Variants in SV2C observed in about 807,000 individuals in gnomAD.
The protein encoded by SV2C is synaptic vesicle glycoprotein 2C.
In SV2C, 49 loss-of-function variants were observed where a neutral mutation model predicts 79.7. The ratio of observed to expected loss-of-function variants is 0.61; its 90% confidence interval spans 0.49 to 0.78. The LOEUF (loss-of-function observed/expected upper bound fraction) is 0.78, where lower values mean the gene tolerates loss of function less well. SV2C is among the 30% of genes least tolerant of loss of function. SV2C has a pLI of 0.00. For synonymous variants in SV2C, 334 were observed against 333.2 expected, an observed-to-expected ratio of 1.00 and a Z score of -0.03; for missense variants, 833 against 912.9, an observed-to-expected ratio of 0.91 and a Z score of 1.13.
chr5:76,034,201 C>A, the SV2C span, among the ~76,000 whole-genome samples: 1,274 of 151,644 alleles, frequency 8.4e-3, 8 homozygotes, highest in Middle Eastern at 0.024. Flanking sequence ...CAAACAGGGA[C>A]AATTTGACTT....
chr5:76,018,261 A>G, the SV2C span, among the ~76,000 whole-genome samples: 9 of 152,174 alleles, frequency 5.9e-5, no homozygotes, highest in African/African-American at 2.2e-4. Flanking sequence ...TTTATTAAAA[A>G]TGTCTTCAGT....
chr5:76,171,946 GC>G (rs1743290666), intron 2 of SV2C, among the ~76,000 whole-genome samples: 1 of 124,976 alleles, frequency 8.0e-6, no homozygotes, highest in South Asian at 2.7e-4. Context: ...AGGGGGGTCA[GC>G]CCCCCGCCTG....
chr5:75,884,277 T>G, the SV2C span, among the ~76,000 whole-genome samples: 1 of 152,162 alleles, frequency 6.6e-6, no homozygotes, highest in Non-Finnish European at 1.5e-5. Flanking sequence ...CGTGGTAATT[T>G]AGGAATATTA....
chr5:76,249,950 C>T (rs993579390), intron 4 of SV2C, among the ~76,000 whole-genome samples: 1 of 152,204 alleles, frequency 6.6e-6, no homozygotes, highest in Non-Finnish European at 1.5e-5. Flanking sequence ...ATTGGCTTAA[C>T]ATTACCCCTC....
At position 76,209,817 on chromosome 5, in the gene SV2C, G is replaced by C; in HGVS notation, c.843G>C (p.Trp281Cys). 1.9e-6 allele frequency: 3 copies of C among 1,614,208 alleles called. No homozygotes were observed. Among genetic ancestry groups the C allele is most frequent in the Non-Finnish European group, 2.5e-6 (3 of 1,180,042 alleles). The change falls in exon 4 of 13, where the codon TGG becomes TGC. Residue 281 changes from tryptophan to cysteine, a missense_variant. Physicochemically the swap from Trp to Cys is radical, Grantham distance 215 (BLOSUM62 -2). Coordinates refer to ENST00000502798, the MANE Select transcript of SV2C (RefSeq NM_014979.4). ...AREKRGEHLS[W>C]LCMFWMIGGI... ...AAAAGCGGGGCGAACACTTGAGCTG[G>C]CTCTGCATGTTCTGGATGATCGGTG...
chr5:76,068,991 A>G, the SV2C span, among the ~76,000 whole-genome samples: 11 of 152,336 alleles, frequency 7.2e-5, no homozygotes, highest in African/African-American at 2.4e-4. Context: ...ATGAAGTGCA[A>G]AGAAAAGAAA....
intron 2 of SV2C, among the ~76,000 whole-genome samples, chr5:76,190,721 ACT>A (rs1164853665): frequency 6.6e-6 from 1 of 152,128 alleles, no homozygotes; most frequent in African/African-American, 2.4e-5. Context: ...TGTGGAAGAA[ACT>A]CTACCTTTGG....
At chr5:75,921,172 C>T in the SV2C span, 1 of 934,460 alleles carries the variant, frequency 1.1e-6, no homozygotes, top group South Asian at 1.5e-5. Context: ...TGGAGATGTA[C>T]TCCAAGTGCC....
the SV2C span, among the ~76,000 whole-genome samples, chr5:75,926,343 T>A: frequency 1.3e-5 from 2 of 152,220 alleles, no homozygotes; most frequent in Non-Finnish European, 2.9e-5. Flanking sequence ...AATAAAACAT[T>A]TTTGGAAAGA....
chr5:76,043,438 C>T, the SV2C span, among the ~76,000 whole-genome samples: 456 of 152,330 alleles, frequency 3.0e-3, no homozygotes, highest in Non-Finnish European at 5.5e-3. Context: ...TCAAAAGTCA[C>T]TCATAGCTAG....
At chr5:75,956,046 G>T in the SV2C span, among the ~76,000 whole-genome samples, 2 of 143,004 alleles carry the variant, frequency 1.4e-5, no homozygotes, top group East Asian at 4.0e-4. Flanking sequence ...CCATTACTGG[G>T]TATATACCCA....
intron 1 of SV2C, among the ~76,000 whole-genome samples, chr5:76,126,105 G>C (rs1748697226): frequency 6.6e-6 from 1 of 152,068 alleles, no homozygotes; most frequent in African/African-American, 2.4e-5. Context: ...CTTTTTACTA[G>C]TTTCCTGTTT....
the SV2C span, among the ~76,000 whole-genome samples, chr5:75,855,106 T>C: frequency 6.6e-6 from 1 of 152,146 alleles, no homozygotes; most frequent in Non-Finnish European, 1.5e-5. Context: ...TTCTATATCT[T>C]TTGCATTTTA....
intron 10 of SV2C, among the ~76,000 whole-genome samples, chr5:76,299,700 C>T (rs1371763155): frequency 2.0e-5 from 3 of 152,174 alleles, no homozygotes; most frequent in African/African-American, 7.2e-5. Context: ...CTGCCTAGCT[C>T]CAAAGAAGAA....
At position 76,315,188 on chromosome 5, in the gene SV2C, G is replaced by A. The variant is rs369474332; in HGVS notation, c.2001-10176G>A. 5.8e-4 allele frequency among the ~76,000 whole-genome samples: 84 copies of A among 145,206 alleles called. 1 individual carries two copies. Among genetic ancestry groups the A allele is most frequent in the East Asian group, 3.5e-3 (17 of 4,916 alleles). ...CCCTCATTAAGGAACATGGCCAGGC[G>A]CACACACACACACACACACACACAC... On this transcript the variant is annotated intron_variant, in intron 12 of 12. Transcript: ENST00000502798.
Position 76,330,455 on chromosome 5 carries a change from T to C in SV2C, c.*4908T>C, listed in dbSNP as rs1749143942. The C allele has an allele frequency of 2.0e-5, 3 of 152,070 alleles. No individual in the cohort carries two copies. The highest frequency in any genetic ancestry group is 2.0e-4 in the Admixed American group (3 of 15,268). The allele number at this position is 152,070 out of a possible 1,614,324, so 9.4% of individuals were successfully genotyped here. On this transcript the variant is annotated 3_prime_UTR_variant, in exon 13 of 13. Coordinates refer to ENST00000502798, the MANE Select transcript of SV2C (RefSeq NM_014979.4). ...CATGTGATACGTATTGAGACACTGC[T>C]GTGTGCAATAATTAAGCCTATGGAG...
At chr5:76,056,776 T>C in the SV2C span, among the ~76,000 whole-genome samples, 4 of 152,028 alleles carry the variant, frequency 2.6e-5, no homozygotes, top group Non-Finnish European at 5.9e-5. Flanking sequence ...TTCTTCTAGA[T>C]TATCTAGTTT....
At chr5:76,179,706 C>T (rs992931531) in intron 2 of SV2C, among the ~76,000 whole-genome samples, 2 of 152,190 alleles carry the variant, frequency 1.3e-5, no homozygotes, top group African/African-American at 4.8e-5. Flanking sequence ...GAATTCACCT[C>T]GACTTTGCCA....
At chr5:76,249,449 G>A (rs1746046579) in intron 4 of SV2C, among the ~76,000 whole-genome samples, 1 of 152,168 alleles carries the variant, frequency 6.6e-6, no homozygotes, top group African/African-American at 2.4e-5. Flanking sequence ...GATGCATGAT[G>A]CAGTCCCATT....
Sources: gnomAD v4.1 joint callset for allele counts (sites outside exome capture counted in the v4.1 genomes callset) on GRCh38, gnomAD v4.1.1 for gene constraint, MANE v1.5 for transcripts, NCBI Gene and HGNC (gene_info 2026-07-23, HGNC 2026-07-21) for gene names.